Variants in B3GNT4 observed in about 807,000 individuals in gnomAD.
The protein encoded by B3GNT4 is UDP-GlcNAc:betaGal beta-1,3-N-acetylglucosaminyltransferase 4.
In B3GNT4, 2 loss-of-function variants were observed where a neutral mutation model predicts 2.7. That is an observed-to-expected ratio of 0.73 (90% CI 0.30 to 2.31). The LOEUF (loss-of-function observed/expected upper bound fraction) is 2.31, where lower values mean the gene tolerates loss of function less well. Ranked by LOEUF, B3GNT4 falls within the 30% of genes most tolerant of loss-of-function variation. The probability of loss-of-function intolerance (pLI) is 0.12; values close to 1 mark genes in which losing one functional copy is unlikely to be tolerated. For missense variants in B3GNT4, 708 were observed against 490.9 expected (o/e 1.44, Z -4.18); for synonymous variants, 280 against 203.4 (o/e 1.38, Z -3.20).
chr12:122,206,085 C>T (rs1243209397), intron 2 of B3GNT4: 3 of 451,160 alleles, frequency 6.6e-6, no homozygotes, highest in Admixed American at 4.1e-5. Context: ...TTGGGAAAAA[C>T]AGACCCAGGA....
chr12:122,203,720 C>A lies in B3GNT4; in HGVS notation c.-179C>A, dbSNP rs1216158716. On this transcript the variant is annotated 5_prime_UTR_variant, in exon 1 of 3. Coordinates refer to ENST00000324189, the MANE Select transcript of B3GNT4 (RefSeq NM_030765.4). Reference sequence around the variant, plus strand: ...CAGAAGCCCCGCCCACTCCCGAGCCCCGAGAGCTCCGCGCACCTGGGCGCC... The same window carrying A: ...CAGAAGCCCCGCCCACTCCCGAGCCACGAGAGCTCCGCGCACCTGGGCGCC... 6.9e-6 allele frequency: 2 copies of A among 290,040 alleles called. No individual in the cohort carries two copies. Among genetic ancestry groups the A allele is most frequent in the African/African-American group, 4.4e-5 (2 of 45,524 alleles). 18.0% of individuals were successfully genotyped at this position (290,040 alleles called of 1,614,324 possible).
At position 122,208,396 on chromosome 12, in the gene B3GNT4, G is replaced by A. The variant is rs1953984673; in HGVS notation, c.*1008G>A. On this transcript the variant is annotated 3_prime_UTR_variant, in exon 3 of 3. Transcript: ENST00000324189. ...GCTCAGGCCCTCAATCCTCACGCAG[G>A]TAGGCCTCCTGCTCCGACTCAGCCC... 6.2e-7 allele frequency: 1 copy of A among 1,612,434 alleles called. No homozygotes were observed. The highest frequency in any genetic ancestry group is 1.1e-5 in the South Asian group (1 of 91,028).
In B3GNT4 at chr12:122,206,416, C is replaced by G; in HGVS notation, c.165C>G (p.Pro55=). The change falls in exon 3 of 3, where the codon CCC becomes CCG. Residue 55 remains proline (P), a synonymous_variant. Coordinates refer to ENST00000324189, the MANE Select transcript of B3GNT4 (RefSeq NM_030765.4). ...CLLFLRKAAK[P]AGDPTAHQPF... is the part of the protein sequence containing the mutation. ...TCTTCCTGAGGAAGGCGGCCAAGCCCGCAGGAGACCCCACGGCCCACCAGC... is the reference window on the plus strand; with the variant it reads ...TCTTCCTGAGGAAGGCGGCCAAGCCGGCAGGAGACCCCACGGCCCACCAGC... The G allele has an allele frequency of 6.2e-7, 1 of 1,613,746 alleles. No homozygotes were observed. Among genetic ancestry groups the G allele is most frequent in the Non-Finnish European group, 8.5e-7 (1 of 1,179,954 alleles).
intron 1 of B3GNT4, among the ~76,000 whole-genome samples, chr12:122,204,197 C>A (rs946050017): frequency 2.1e-4 from 32 of 151,980 alleles, no homozygotes; most frequent in African/African-American, 6.7e-4. Context: ...CCCCTGCCCG[C>A]GCCAGGGCGT....
chr12:122,208,151 G>T lies in B3GNT4; in HGVS notation c.*763G>T, dbSNP rs1371218077. The T allele has an allele frequency of 1.4e-6, 1 of 693,748 alleles. No homozygotes were observed. Among genetic ancestry groups the T allele is most frequent in the Non-Finnish European group, 2.6e-6 (1 of 382,426 alleles). 43.0% of individuals were successfully genotyped at this position (693,748 alleles called of 1,614,324 possible). On this transcript the variant is annotated 3_prime_UTR_variant, in exon 3 of 3. Transcript: ENST00000324189. The stretch of plus-strand genomic sequence containing the variant: ...ATGGGTAAGAGCAGCTGTACAGAGT[G>T]GGGTGAAATGTTAAACAGGGTGCAG...
Position 122,208,151 on chromosome 12 carries a change from G to A in B3GNT4, c.*763G>A, listed in dbSNP as rs1371218077. On this transcript the variant is annotated 3_prime_UTR_variant, in exon 3 of 3. Coordinates refer to ENST00000324189, the MANE Select transcript of B3GNT4 (RefSeq NM_030765.4). ...ATGGGTAAGAGCAGCTGTACAGAGT[G>A]GGGTGAAATGTTAAACAGGGTGCAG... 3 of 693,748 alleles carry A rather than the reference G, an allele frequency of 4.3e-6. No homozygotes were observed. The highest frequency in any genetic ancestry group is 7.8e-6 in the Non-Finnish European group (3 of 382,426). The allele number at this position is 693,748 out of a possible 1,614,324, so 43.0% of individuals were successfully genotyped here.
rs779700233 is a variant in B3GNT4, at chr12:122,208,142, G to C, written c.*754G>C. The C allele has an allele frequency of 1.5e-6, 1 of 688,652 alleles. No homozygotes were observed. The highest frequency in any genetic ancestry group is 1.5e-5 in the South Asian group (1 of 66,626). The allele number at this position is 688,652 out of a possible 1,614,324, so 42.7% of individuals were successfully genotyped here. A position where few individuals can be genotyped will look rare whatever the true frequency, so the allele number is the denominator to read the frequency against. On this transcript the variant is annotated 3_prime_UTR_variant, in exon 3 of 3. Coordinates refer to ENST00000324189, the MANE Select transcript of B3GNT4 (RefSeq NM_030765.4). ...GTAAAAAAAATGGGTAAGAGCAGCT[G>C]TACAGAGTGGGGTGAAATGTTAAAC...
chr12:122,206,742 C>T lies in B3GNT4; in HGVS notation c.491C>T (p.Ser164Phe). ...GTGTTCCTCCTAGGGGTGGCAGGAT[C>T]CGCTCCCCCAGCCCAGCTGCTGGCC... ...KLVFLLGVAG[S>F]APPAQLLAYE... Residue 164 changes from serine (S) to phenylalanine (F), a missense_variant, in exon 3 of 3, where the codon TCC becomes TTC. Transcript: ENST00000324189. The T allele has an allele frequency of 1.2e-6, 2 of 1,606,214 alleles. No homozygotes were observed. Among genetic ancestry groups the T allele is most frequent in the African/African-American group, 2.7e-5 (2 of 74,898 alleles).
chr12:122,204,321 C>G (rs1164925188), intron 1 of B3GNT4, among the ~76,000 whole-genome samples: 2 of 151,964 alleles, frequency 1.3e-5, no homozygotes, highest in Non-Finnish European at 2.9e-5. Flanking sequence ...GGGTGGAGAG[C>G]CGGGCTCTGG....
chr12:122,206,743 C>A lies in B3GNT4; in HGVS notation c.492C>A (p.Ser164=), dbSNP rs569095788. Residue 164 remains serine (S), a synonymous_variant, in exon 3 of 3, where the codon TCC becomes TCA. Transcript: ENST00000324189. The part of the protein sequence containing the change: ...KLVFLLGVAG[S]APPAQLLAYE... ...TGTTCCTCCTAGGGGTGGCAGGATC[C>A]GCTCCCCCAGCCCAGCTGCTGGCCT... is the stretch of plus-strand genomic sequence containing the variant. The A allele has an allele frequency of 1.1e-5, 17 of 1,605,998 alleles. No homozygotes were observed. The South Asian group carries it at 1.8e-4, about 17-fold the overall frequency.
At position 122,208,809 on chromosome 12, in the gene B3GNT4, C is replaced by T. The variant is rs1954005694; in HGVS notation, c.*1421C>T. On this transcript the variant is annotated 3_prime_UTR_variant, in exon 3 of 3. Transcript: ENST00000324189. ...TTCTTCAGCTGTCAGCGGCCAACATCACAATTATTAAATGCAACTCTCACA... is the reference window on the plus strand; with the variant it reads ...TTCTTCAGCTGTCAGCGGCCAACATTACAATTATTAAATGCAACTCTCACA... 1 of 633,798 alleles carries T rather than the reference C, an allele frequency of 1.6e-6. No individual in the cohort carries two copies. Among genetic ancestry groups the T allele is most frequent in the Non-Finnish European group, 2.9e-6 (1 of 341,432 alleles). 39.3% of individuals were successfully genotyped at this position (633,798 alleles called of 1,614,324 possible). A position where few individuals can be genotyped will look rare whatever the true frequency, so the allele number is the denominator to read the frequency against.
rs1027240839 is a variant in B3GNT4, at chr12:122,206,640, A to T, written c.389A>T (p.His130Leu). ...LLLAIKSQPG[H>L]VERRAAIRST... is the part of the protein sequence containing the mutation. ...CTGGCCATCAAGTCACAGCCTGGTCACGTGGAGCGACGTGCGGCTATCCGC... is the reference window on the plus strand; with the variant it reads ...CTGGCCATCAAGTCACAGCCTGGTCTCGTGGAGCGACGTGCGGCTATCCGC... The change falls in exon 3 of 3, where the codon CAC (histidine) becomes CTC (leucine). Residue 130 changes from histidine to leucine, a missense_variant. Coordinates refer to ENST00000324189, the MANE Select transcript of B3GNT4 (RefSeq NM_030765.4). The T allele has an allele frequency of 6.2e-7, 1 of 1,613,732 alleles. No homozygotes were observed.
At position 122,207,401 on chromosome 12, in the gene B3GNT4, G is replaced by GC; in HGVS notation, c.*14dup. The GC allele has an allele frequency of 6.5e-7, 1 of 1,527,558 alleles. No individual in the cohort carries two copies. The highest frequency in any genetic ancestry group is 8.8e-7 in the Non-Finnish European group (1 of 1,139,660). 94.6% of individuals were successfully genotyped at this position (1,527,558 alleles called of 1,614,324 possible). A position where few individuals can be genotyped will look rare whatever the true frequency, so the allele number is the denominator to read the frequency against. On this transcript the variant is annotated 3_prime_UTR_variant, in exon 3 of 3. Coordinates refer to ENST00000324189, the MANE Select transcript of B3GNT4 (RefSeq NM_030765.4). ...ACCCCAGCGCTGAAGGGTGGGTTGG[G>GC]CAACAGCCTGAGAGTGGACTCAGTG...
chr12:122,205,025 CAAAAA>C (rs573749450), intron 2 of B3GNT4: 1 of 244,354 alleles, frequency 4.1e-6, no homozygotes, highest in African/African-American at 2.3e-5. Context: ...GACACTGTCT[CAAAAA>C]AAACCAACAA....
At position 122,204,574 on chromosome 12, in the gene B3GNT4, G is replaced by T. The variant is rs750960027; in HGVS notation, c.-45G>T. On this transcript the variant is annotated 5_prime_UTR_variant, in exon 2 of 3. Transcript: ENST00000324189. ...ATCTCGCTTCGACCCCGCCGCCGCC[G>T]CCGCCCGGCATCCTGAGCACGGAGA... 17 of 1,555,476 alleles carry T rather than the reference G, an allele frequency of 1.1e-5. No individual in the cohort carries two copies. Among genetic ancestry groups the T allele is most frequent in the Non-Finnish European group, 1.4e-5 (16 of 1,131,696 alleles).
Position 122,208,186 on chromosome 12 carries a change from G to A in B3GNT4, c.*798G>A. 2 of 723,122 alleles carry A rather than the reference G, an allele frequency of 2.8e-6. No homozygotes were observed. The highest frequency in any genetic ancestry group is 4.9e-6 in the Non-Finnish European group (2 of 407,182). The allele number at this position is 723,122 out of a possible 1,614,324, so 44.8% of individuals were successfully genotyped here. On this transcript the variant is annotated 3_prime_UTR_variant, in exon 3 of 3. Coordinates refer to ENST00000324189, the MANE Select transcript of B3GNT4 (RefSeq NM_030765.4). Reference sequence around the variant, plus strand: ...GTTAAACAGGGTGCAGTGCCCAAGGGCTAAGAACCAGGTCCAGCGCAAGCC... The same window carrying A: ...GTTAAACAGGGTGCAGTGCCCAAGGACTAAGAACCAGGTCCAGCGCAAGCC...
Position 122,207,215 on chromosome 12 carries a change from C to T in B3GNT4, c.964C>T (p.His322Tyr). 2 of 1,614,094 alleles carry T rather than the reference C, an allele frequency of 1.2e-6. No homozygotes were observed. Among genetic ancestry groups the T allele is most frequent in the Non-Finnish European group, 1.7e-6 (2 of 1,180,014 alleles). The change falls in exon 3 of 3, where the codon CAT (histidine) becomes TAT (tyrosine). Residue 322 changes from histidine (H) to tyrosine (Y), a missense_variant. His to Tyr is a moderately conservative substitution (Grantham distance 83). Transcript: ENST00000324189. Reference sequence around the variant, plus strand: ...GCGGCTGGGGCTGAGCCCTATGCACCATGCTGGCTTCAAGACATTTGGAAT... The same window carrying T: ...GCGGCTGGGGCTGAGCCCTATGCACTATGCTGGCTTCAAGACATTTGGAAT... ...LRRLGLSPMHHAGFKTFGIRR... is the reference protein window; with the variant it reads ...LRRLGLSPMHYAGFKTFGIRR...
In B3GNT4 at chr12:122,206,681, G is replaced by T; in HGVS notation, c.430G>T (p.Val144Leu). The change falls in exon 3 of 3, where the codon GTG becomes TTG. Residue 144 changes from valine (V) to leucine (L), a missense_variant. By Grantham distance (32) the Val-to-Leu change is conservative. Coordinates refer to ENST00000324189, the MANE Select transcript of B3GNT4 (RefSeq NM_030765.4). ...RAAIRSTWGR[V>L]GGWARGRQLK... ...GGCTATCCGCAGCACGTGGGGCAGG[G>T]TGGGGGGATGGGCTAGGGGCCGGCA... 6.2e-7 allele frequency: 1 copy of T among 1,612,972 alleles called. No individual in the cohort carries two copies. Among genetic ancestry groups the T allele is most frequent in the Non-Finnish European group, 8.5e-7 (1 of 1,179,646 alleles).
Position 122,208,635 on chromosome 12 carries a change from T to G in B3GNT4, c.*1247T>G, listed in dbSNP as rs1953998519. On this transcript the variant is annotated 3_prime_UTR_variant, in exon 3 of 3. Transcript: ENST00000324189. ...CCGTGCAGGGCGCGGAAGGCTCATG[T>G]GGACGTTGGCCTGGGGGTGCTGTGG... 6.4e-7 allele frequency: 1 copy of G among 1,569,704 alleles called. No individual in the cohort carries two copies. The highest frequency in any genetic ancestry group is 1.3e-5 in the African/African-American group (1 of 74,244).
Sources: allele counts gnomAD v4.1 joint callset (sites outside exome capture counted in the v4.1 genomes callset), GRCh38; gene constraint gnomAD v4.1.1; transcripts MANE v1.5; gene names NCBI Gene and HGNC (gene_info 2026-07-23, HGNC 2026-07-21).